Variants in CNTNAP2 observed in about 807,000 individuals in gnomAD.
CNTNAP2 encodes contactin-associated protein-like 2.
Under a neutral mutation model 155.2 loss-of-function variants are expected in CNTNAP2, and 98 were observed. The observed-to-expected ratio is 0.63, with a 90% CI of 0.54 to 0.75. The LOEUF (loss-of-function observed/expected upper bound fraction) is 0.75. Among genes scored for constraint, CNTNAP2 ranks in the 30% least tolerant of loss-of-function variants. CNTNAP2 has a pLI of 0.00. For missense variants in CNTNAP2, 1,727 were observed against 1,688.1 expected, an observed-to-expected ratio of 1.02 and a Z score of -0.40; for synonymous variants, 651 against 631.2, an observed-to-expected ratio of 1.03 and a Z score of -0.47.
At chr7:146,327,909 A>G (rs1053971601) in intron 1 of CNTNAP2, among the ~76,000 whole-genome samples, 3 of 152,218 alleles carry the variant, frequency 2.0e-5, no homozygotes, top group Non-Finnish European at 4.4e-5. Context: ...GCACAAAAGG[A>G]TGTAGTATCT....
chr7:146,150,592 A>G (rs1208128268), intron 1 of CNTNAP2, among the ~76,000 whole-genome samples: 3 of 151,960 alleles, frequency 2.0e-5, no homozygotes, highest in South Asian at 2.1e-4. Context: ...ATCTACTACT[A>G]TATCACCTAC....
At chr7:147,887,388 T>C (rs762653745) in intron 13 of CNTNAP2, among the ~76,000 whole-genome samples, 1 of 152,212 alleles carries the variant, frequency 6.6e-6, no homozygotes, top group Non-Finnish European at 1.5e-5. Flanking sequence ...GGAGAATTGC[T>C]TGGACCCAGG....
At chr7:148,029,662 C>T (rs1376862385) in intron 15 of CNTNAP2, among the ~76,000 whole-genome samples, 2 of 152,138 alleles carry the variant, frequency 1.3e-5, no homozygotes, top group Non-Finnish European at 2.9e-5. Flanking sequence ...CTTTTAATTA[C>T]AATTTTAAAC....
At chr7:147,456,042 A>G (rs147997796) in intron 10 of CNTNAP2, among the ~76,000 whole-genome samples, 1 of 152,184 alleles carries the variant, frequency 6.6e-6, no homozygotes, top group Non-Finnish European at 1.5e-5. Flanking sequence ...CTTTGTAAAC[A>G]TGAGAGTGTA....
At chr7:147,249,519 G>A (rs1804139775) in intron 8 of CNTNAP2, among the ~76,000 whole-genome samples, 1 of 143,566 alleles carries the variant, frequency 7.0e-6, no homozygotes, top group Middle Eastern at 3.7e-3. Flanking sequence ...CACCAACAAT[G>A]GTCTCTTGAT....
chr7:148,293,167 C>A (rs984339162), intron 21 of CNTNAP2, among the ~76,000 whole-genome samples: 16 of 152,018 alleles, frequency 1.1e-4, no homozygotes, highest in Non-Finnish European at 2.2e-4. Flanking sequence ...AACTCTTCAC[C>A]ACCACCTCAA....
chr7:146,674,060 C>T (rs1024292234), intron 1 of CNTNAP2, among the ~76,000 whole-genome samples: 3 of 152,096 alleles, frequency 2.0e-5, no homozygotes, highest in Non-Finnish European at 2.9e-5. Flanking sequence ...ATGATGTCAC[C>T]AAATCGTAGT....
At chr7:147,791,837 G>A (rs1373571302) in intron 13 of CNTNAP2, among the ~76,000 whole-genome samples, 2 of 152,110 alleles carry the variant, frequency 1.3e-5, no homozygotes, top group African/African-American at 2.4e-5. Context: ...TCTTCTCTAC[G>A]TGGCCACATG....
chr7:147,486,100 G>A, intron 11 of CNTNAP2, 59 bp downstream of exon 11: 6 of 1,474,098 alleles, frequency 4.1e-6, no homozygotes, highest in Non-Finnish European at 5.7e-6. Context: ...CAAGTCTTGA[G>A]CTGTGCTTTG....
chr7:146,681,435 G>A (rs1210753083), intron 1 of CNTNAP2, among the ~76,000 whole-genome samples: 2 of 94,798 alleles, frequency 2.1e-5, no homozygotes, highest in Non-Finnish European at 4.4e-5. Context: ...GGTGGGGGGT[G>A]GAGGGTGGAG....
intron 23 of CNTNAP2, 91 bp from the exon 24 acceptor site, chr7:148,415,326 T>C: frequency 7.8e-7 from 1 of 1,285,430 alleles, no homozygotes; most frequent in African/African-American, 1.5e-5. Flanking sequence ...GGGAGAGGGC[T>C]GTGTCTGACG....
intron 23 of CNTNAP2, among the ~76,000 whole-genome samples, chr7:148,410,565 CAAAAAAAA>C (rs56258191): frequency 1.8e-5 from 2 of 112,872 alleles, no homozygotes; most frequent in Admixed American, 1.1e-4. Flanking sequence ...AGACCTTTCT[CAAAAAAAA>C]AAAAAAAAAA....
At chr7:147,674,258 T>C (rs1406849960) in intron 13 of CNTNAP2, among the ~76,000 whole-genome samples, 3 of 152,190 alleles carry the variant, frequency 2.0e-5, no homozygotes, top group Non-Finnish European at 4.4e-5. Context: ...ATATTCTTTA[T>C]TGAAAACATA....
intron 12 of CNTNAP2, among the ~76,000 whole-genome samples, chr7:147,580,138 A>G (rs541853077): frequency 4.6e-5 from 7 of 152,084 alleles, no homozygotes; most frequent in African/African-American, 1.7e-4. Flanking sequence ...TCTGTCCTTT[A>G]GACAGTCTCC....
At chr7:147,554,527 G>C (rs1799913535) in intron 11 of CNTNAP2, among the ~76,000 whole-genome samples, 1 of 149,142 alleles carries the variant, frequency 6.7e-6, no homozygotes. Context: ...GAAACTTTTT[G>C]AAGGACTTAT....
intron 18 of CNTNAP2, among the ~76,000 whole-genome samples, chr7:148,209,298 CTTTTT>C (rs11371612): frequency 6.1e-5 from 8 of 130,440 alleles, no homozygotes; most frequent in East Asian, 4.3e-4. Context: ...TCTTTTCTTC[CTTTTT>C]TTTTTTTTTT....
At chr7:148,093,787 T>C (rs1803902198) in intron 15 of CNTNAP2, among the ~76,000 whole-genome samples, 1 of 152,230 alleles carries the variant, frequency 6.6e-6, no homozygotes, top group Non-Finnish European at 1.5e-5. Context: ...TTTCTTTCTT[T>C]CTTTTGAGAG....
At chr7:146,635,589 A>G (rs1168976691) in intron 1 of CNTNAP2, among the ~76,000 whole-genome samples, 1 of 152,214 alleles carries the variant, frequency 6.6e-6, no homozygotes, top group East Asian at 1.9e-4. Context: ...AAAAGAGAAT[A>G]CTGGGTGTAT....
intron 15 of CNTNAP2, among the ~76,000 whole-genome samples, chr7:148,083,792 A>G (rs1179057588): frequency 1.3e-5 from 2 of 152,174 alleles, no homozygotes; most frequent in African/African-American, 4.8e-5. Context: ...AAGAAATACA[A>G]TTACTTAATG....
Sources: allele counts gnomAD v4.1 joint callset (sites outside exome capture counted in the v4.1 genomes callset), GRCh38; gene constraint gnomAD v4.1.1; transcripts MANE v1.5; gene names NCBI Gene and HGNC (gene_info 2026-07-23, HGNC 2026-07-21).